PCGF5: variants seen among roughly 807,000 people sequenced by gnomAD.
PCGF5 encodes polycomb group ring finger 5, also known as polycomb group RING finger protein 5.
PCGF5 carries 9 observed loss-of-function variants against 44.3 expected under a neutral mutation model. That is an observed-to-expected ratio of 0.20 (90% CI 0.12 to 0.35). PCGF5 has a LOEUF of 0.35. Among genes scored for constraint, PCGF5 ranks in the 10% least tolerant of loss-of-function variants. The pLI, the probability that PCGF5 is intolerant of heterozygous loss-of-function variation, is 1.00. For synonymous variants in PCGF5, 95 were observed against 102.5 expected, an observed-to-expected ratio of 0.93 and a Z score of 0.44; for missense variants, 146 against 305.3, an observed-to-expected ratio of 0.48 and a Z score of 3.89.
chr10:91,208,473 C>T lies in PCGF5; in HGVS notation c.-183-14216C>T, dbSNP rs74149086. On this transcript the variant is annotated intron_variant, in intron 1 of 9. Transcript: ENST00000614189. ...ACCTGAGGGCCCAGATTCTGCATTCCTAACAAGATCCCTGCTGATGCTGGC... is the reference window on the plus strand; with the variant it reads ...ACCTGAGGGCCCAGATTCTGCATTCTTAACAAGATCCCTGCTGATGCTGGC... Among the ~76,000 whole-genome samples the T allele has an allele frequency of 4.7e-3, 719 of 152,268 alleles. 5 individuals are homozygous for T. Among genetic ancestry groups the T allele is most frequent in the African/African-American group, 0.017 (688 of 41,558 alleles).
intron 2 of PCGF5, among the ~76,000 whole-genome samples, chr10:91,223,295 A>G (rs1273197170): frequency 6.6e-6 from 1 of 152,206 alleles, no homozygotes; most frequent in African/African-American, 2.4e-5. Flanking sequence ...TTTATACTCA[A>G]GGAATTAATC....
At chr10:91,255,804 C>A (rs7900499) in intron 6 of PCGF5, among the ~76,000 whole-genome samples, 19,810 of 151,942 alleles carry the variant, frequency 0.13, 2,423 homozygotes, top group African/African-American at 0.32. Context: ...GTTGGGGATT[C>A]ATTCCAGGAC....
intron 2 of PCGF5, among the ~76,000 whole-genome samples, chr10:91,228,586 C>T (rs956391411): frequency 1.3e-5 from 2 of 151,972 alleles, no homozygotes; most frequent in African/African-American, 4.8e-5. Flanking sequence ...AGAGACTCGG[C>T]GATTTTATGT....
At chr10:91,216,486 G>A (rs1366914565), upstream of PCGF5, among the ~76,000 whole-genome samples, 1 of 152,156 alleles carries the variant, frequency 6.6e-6, no homozygotes, top group Non-Finnish European at 1.5e-5. Context: ...TTAAGTGTTT[G>A]GGCATTATTC....
chr10:91,269,489 T>TAGCATAATTTGATTAAC (rs1262543883), intron 8 of PCGF5, among the ~76,000 whole-genome samples: 1 of 152,240 alleles, frequency 6.6e-6, no homozygotes, highest in Non-Finnish European at 1.5e-5. Context: ...TTTGTGGCTG[T>TAGCATAATTTGATTAAC]AGCATAATTT....
chr10:91,265,633 T>A (rs1846032744), intron 8 of PCGF5, among the ~76,000 whole-genome samples: 2 of 152,094 alleles, frequency 1.3e-5, no homozygotes, highest in South Asian at 4.1e-4. Flanking sequence ...CAAAACATAT[T>A]TATATTGAAT....
chr10:91,240,712 CATTTT>C (rs1046356125), intron 3 of PCGF5, 132 bp downstream of exon 3: 7 of 455,808 alleles, frequency 1.5e-5, no homozygotes, highest in African/African-American at 8.1e-5. Context: ...CATTTTAAAG[CATTTT>C]ATTTTAAAGT....
chr10:91,162,898 G>C (rs978872253), upstream of PCGF5: 221 of 146,378 alleles, frequency 1.5e-3, no homozygotes, highest in Non-Finnish European at 2.2e-3. Flanking sequence ...CCGCCGCCGC[G>C]GGCTCTGCTC....
upstream of PCGF5, among the ~76,000 whole-genome samples, chr10:91,158,875 A>G (rs1209705972): frequency 2.0e-5 from 3 of 152,162 alleles, no homozygotes; most frequent in Non-Finnish European, 4.4e-5. Context: ...AAATTAGTAA[A>G]ATTTTACTAT....
At position 91,271,653 on chromosome 10, in the gene PCGF5, T is replaced by A. The variant is rs1347797101; in HGVS notation, c.679T>A (p.Cys227Ser). The stretch of plus-strand genomic sequence containing the variant: ...TCCTCCGCAGTTTCGGTGTCTGAAC[T>A]GCTCAGCTTCGCAAGTCTGCTCTCA... ...LRGENFRCLN[C>S]SASQVCSQDG... Residue 227 changes from cysteine to serine, a missense_variant, in exon 9 of 10, where the codon TGC becomes AGC. This residue lies in a region of PCGF5 where 19 missense variants were observed against 17.2 expected (regional missense o/e 1.11). Transcript: ENST00000336126. 6.2e-7 allele frequency: 1 copy of A among 1,613,990 alleles called. No homozygotes were observed. The highest frequency in any genetic ancestry group is 8.5e-7 in the Non-Finnish European group (1 of 1,179,904).
chr10:91,204,145 T>C (rs985054587), intron 1 of PCGF5, among the ~76,000 whole-genome samples: 2 of 152,234 alleles, frequency 1.3e-5, no homozygotes, highest in Non-Finnish European at 2.9e-5. Flanking sequence ...CTTTTAGAAT[T>C]ATGAATATAA....
chr10:91,235,286 C>T (rs1364895428), intron 2 of PCGF5, among the ~76,000 whole-genome samples: 1 of 152,136 alleles, frequency 6.6e-6, no homozygotes, highest in Non-Finnish European at 1.5e-5. Context: ...ATTTTAGAAC[C>T]ACTGCTTTAG....
intron 1 of PCGF5, among the ~76,000 whole-genome samples, chr10:91,212,679 T>A (rs992549536): frequency 6.6e-6 from 1 of 152,188 alleles, no homozygotes; most frequent in African/African-American, 2.4e-5. Context: ...GCCCACTAAT[T>A]CTGTTTGTTG....
chr10:91,226,914 T>C (rs1008458607), intron 2 of PCGF5, among the ~76,000 whole-genome samples: 2 of 152,102 alleles, frequency 1.3e-5, no homozygotes, highest in East Asian at 1.9e-4. Context: ...ATTTGATAAA[T>C]AGATAAAATT....
chr10:91,221,140 G>A (rs1226300166), intron 1 of PCGF5, among the ~76,000 whole-genome samples: 3 of 152,106 alleles, frequency 2.0e-5, no homozygotes, highest in Non-Finnish European at 4.4e-5. Context: ...GCTGTGCTGG[G>A]ACCCCACAGG....
In PCGF5 at chr10:91,254,523, C is replaced by CT. The variant is rs201559478; in HGVS notation, c.474+3091dup. ...TAAGAGTTCTAGGCACTGATACTAT[C>CT]TTTTTTTTATATGTGTGTTGTCCTT... On this transcript the variant is annotated intron_variant, in intron 6 of 9. Coordinates refer to ENST00000336126, the MANE Select transcript of PCGF5 (RefSeq NM_032373.5). 2.1e-3 allele frequency among the ~76,000 whole-genome samples: 322 copies of CT among 151,940 alleles called. 1 individual carries two copies. The highest frequency in any genetic ancestry group is 7.4e-3 in the African/African-American group (306 of 41,474).
chr10:91,264,705 G>A (rs1384971625), intron 8 of PCGF5, among the ~76,000 whole-genome samples, 185 bp downstream of exon 8: 1 of 152,100 alleles, frequency 6.6e-6, no homozygotes, highest in Admixed American at 6.6e-5. Context: ...AAGGTCTGTG[G>A]TAAATGTGAT....
chr10:91,269,080 A>G (rs1222567884), intron 8 of PCGF5, among the ~76,000 whole-genome samples: 11 of 152,342 alleles, frequency 7.2e-5, no homozygotes, highest in African/African-American at 2.4e-4. Flanking sequence ...ATTCTGACTC[A>G]GTAGGTCTGG....
rs540939148 is a variant in PCGF5, at chr10:91,237,700, C to T, written c.113-2784C>T. ...CAGAGGTTGCAGTGAGCCGAGATCG[C>T]GCCACTGCACTCTAGCCTAGGCGAC... is the stretch of plus-strand genomic sequence containing the variant. On this transcript the variant is annotated intron_variant, in intron 2 of 9. Transcript: ENST00000336126. Among the ~76,000 whole-genome samples the T allele has an allele frequency of 2.0e-4, 31 of 151,816 alleles. No individual in the cohort carries two copies. In the East Asian group the frequency reaches 4.1e-3, roughly 20 times the overall value.
Sources: gnomAD v4.1 joint callset for allele counts (sites outside exome capture counted in the v4.1 genomes callset) on GRCh38, gnomAD v4.1.1 for gene constraint, gnomAD v4.1.1 regional missense constraint, MANE v1.5 for transcripts, NCBI Gene and HGNC (gene_info 2026-07-23, HGNC 2026-07-21) for gene names.